The following HHLA1 variants were observed in gnomAD, a reference collection of about 807,000 sequenced individuals.
The protein encoded by HHLA1 is HHLA1 neighbor of OC90.
HHLA1 carries 72 observed loss-of-function variants against 69.9 expected under a neutral mutation model. That is an observed-to-expected ratio of 1.03 (90% CI 0.85 to 1.25). The LOEUF is 1.25. Among genes scored for constraint, HHLA1 ranks in the 50% most tolerant of loss-of-function variants. HHLA1 has a pLI of 0.00. For synonymous variants in HHLA1, 252 were observed against 233.2 expected, an observed-to-expected ratio of 1.08 and a Z score of -0.73; for missense variants, 685 against 642.2, an observed-to-expected ratio of 1.07 and a Z score of -0.72.
rs1346721833 is a variant in HHLA1 at position 132,084,402 on chromosome 8, A to G, written c.676+3251T>C. ...GGGGACAGGCTGGAGGGAAAGAAGG[A>G]AGATTTGGGACGAGTTGCACTGGGC... is the stretch of plus-strand genomic sequence containing the variant. On this transcript the variant is annotated intron_variant, in intron 10 of 16. Coordinates refer to ENST00000414222, the MANE Select transcript of HHLA1 (RefSeq NM_001145095.3). Among the ~76,000 whole-genome samples, 7 of 145,118 alleles carry G rather than the reference A, an allele frequency of 4.8e-5. No individual in the cohort carries two copies. The East Asian group carries it at 1.2e-3, about 25-fold the overall frequency.
intron 10 of HHLA1, among the ~76,000 whole-genome samples, chr8:132,081,455 A>G (rs976813148): frequency 3.3e-5 from 5 of 152,108 alleles, no homozygotes; most frequent in African/African-American, 7.2e-5. Context: ...CCTTTAGTCC[A>G]TTCTACTTTT....
In HHLA1 at chr8:132,075,620, T is replaced by C. The variant is rs893043675; in HGVS notation, c.1315+435A>G. Among the ~76,000 whole-genome samples, 6 of 152,338 alleles carry C rather than the reference T, an allele frequency of 3.9e-5. No homozygotes were observed. The East Asian group carries it at 1.2e-3, about 29-fold the overall frequency. ...ATGAGGTTGCATTTTGCAGTCATCT[T>C]TTTTATTCCTTCCTCCTTCACTGCC... is the stretch of plus-strand genomic sequence containing the variant. On this transcript the variant is annotated intron_variant, in intron 14 of 16. Transcript: ENST00000414222.
intron 14 of HHLA1, among the ~76,000 whole-genome samples, chr8:132,073,540 C>T (rs1280894871): frequency 2.0e-5 from 3 of 152,164 alleles, no homozygotes; most frequent in African/African-American, 4.8e-5. Context: ...CAGAAGTATA[C>T]AGAAGAGGAC....
At position 132,075,510 on chromosome 8, in the gene HHLA1, G is replaced by T. The variant is rs116872147; in HGVS notation, c.1315+545C>A. On this transcript the variant is annotated intron_variant, in intron 14 of 16. Coordinates refer to ENST00000414222, the MANE Select transcript of HHLA1 (RefSeq NM_001145095.3). ...GCTACAAACTCAGGAAATGGTCTTCGTCTAGATCCATGAGAATTAACTGTG... is the reference window on the plus strand; with the variant it reads ...GCTACAAACTCAGGAAATGGTCTTCTTCTAGATCCATGAGAATTAACTGTG... Among the ~76,000 whole-genome samples, 733 of 152,286 alleles carry T rather than the reference G, an allele frequency of 4.8e-3. 5 individuals carry two copies. Among genetic ancestry groups the T allele is most frequent in the East Asian group, 0.029 (149 of 5,182 alleles).
chr8:132,083,026 AG>A (rs1305353266), intron 10 of HHLA1, among the ~76,000 whole-genome samples: 1 of 151,094 alleles, frequency 6.6e-6, no homozygotes. Flanking sequence ...TGAGATGGTA[AG>A]GGGTGCATGA....
At chr8:132,086,327 C>A (rs190881394) in intron 10 of HHLA1, among the ~76,000 whole-genome samples, 1 of 152,114 alleles carries the variant, frequency 6.6e-6, no homozygotes, top group Non-Finnish European at 1.5e-5. Flanking sequence ...TCACCTCCCC[C>A]AGAATGCATG....
rs376821680 is a variant in HHLA1 at position 132,085,678 on chromosome 8, C to T, written c.676+1975G>A. ...CAGTGAAGGGAGATAAGGGTGGGGCCGTTTTATAGGATTTGGGTAGGTAAA... is the reference window on the plus strand; with the variant it reads ...CAGTGAAGGGAGATAAGGGTGGGGCTGTTTTATAGGATTTGGGTAGGTAAA... On this transcript the variant is annotated intron_variant, in intron 10 of 16. Transcript: ENST00000414222. 860 of 152,028 alleles carry T rather than the reference C, an allele frequency of 5.7e-3. 2 individuals are homozygous for T. The highest frequency in any genetic ancestry group is 0.02 in the African/African-American group (825 of 40,678). The allele number at this position is 152,028 out of a possible 1,614,324, so 9.4% of individuals were successfully genotyped here. A position where few individuals can be genotyped will look rare whatever the true frequency, so the allele number is the denominator to read the frequency against.
intron 7 of HHLA1, among the ~76,000 whole-genome samples, chr8:132,092,854 C>A (rs1431821389): frequency 6.6e-6 from 1 of 152,198 alleles, no homozygotes; most frequent in African/African-American, 2.4e-5. Context: ...GTGCTGGCAA[C>A]CTACCTTAGG....
chr8:132,102,792 AT>A lies in HHLA1; in HGVS notation c.139+1315del, dbSNP rs3048490. 6.1e-3 allele frequency among the ~76,000 whole-genome samples: 874 copies of A among 143,622 alleles called. 2 individuals are homozygous for A. Among genetic ancestry groups the A allele is most frequent in the African/African-American group, 0.02 (766 of 38,414 alleles). The allele number at this position is 143,622 out of a possible 152,430, so 94.2% of individuals were successfully genotyped here. ...TGTGTCATCTTCTTCACTGAGCACC[AT>A]TTTTTTTTTTTTTTTTTTTTTTTTT... On this transcript the variant is annotated intron_variant, in intron 3 of 16. Coordinates refer to ENST00000414222, the MANE Select transcript of HHLA1 (RefSeq NM_001145095.3).
intron 7 of HHLA1, among the ~76,000 whole-genome samples, chr8:132,093,270 C>G (rs1428257923): frequency 6.6e-6 from 1 of 152,102 alleles, no homozygotes; most frequent in Admixed American, 6.5e-5. Context: ...GGTGGGATAT[C>G]AGCTATTTCT....
chr8:132,107,738 A>G (rs1306624336), intron 1 of HHLA1, among the ~76,000 whole-genome samples: 1 of 152,238 alleles, frequency 6.6e-6, no homozygotes, highest in East Asian at 1.9e-4. Flanking sequence ...TAAGGTTGTT[A>G]GATTTAACAA....
intron 15 of HHLA1, among the ~76,000 whole-genome samples, chr8:132,067,186 C>A (rs941779038): frequency 6.6e-6 from 1 of 152,132 alleles, no homozygotes; most frequent in African/African-American, 2.4e-5. Context: ...AAACTGGAAC[C>A]ACAGAGGAAA....
intron 10 of HHLA1, chr8:132,085,508 A>G (rs1823845656): frequency 2.8e-6 from 1 of 361,820 alleles, no homozygotes. Context: ...ACGGGGATTG[A>G]TTTCCCAAGG....
At chr8:132,088,961 G>T (rs1038102185) in intron 8 of HHLA1, among the ~76,000 whole-genome samples, 1 of 152,162 alleles carries the variant, frequency 6.6e-6, no homozygotes, top group South Asian at 2.1e-4. Context: ...AACAGTAGCT[G>T]CTCCACAGTG....
intron 15 of HHLA1, among the ~76,000 whole-genome samples, chr8:132,066,521 T>C (rs1823442525): frequency 6.6e-6 from 1 of 152,220 alleles, no homozygotes; most frequent in Admixed American, 6.5e-5. Context: ...CAGAGGGCTG[T>C]GGTGAAAAGA....
intron 14 of HHLA1, 126 bp downstream of exon 14, chr8:132,075,929 G>A (rs1823630295): frequency 3.0e-6 from 2 of 669,522 alleles, no homozygotes; most frequent in East Asian, 5.7e-5. Context: ...GTAAATGGCT[G>A]AGCTAAGATT....
chr8:132,107,515 G>A (rs1824221892), intron 1 of HHLA1, among the ~76,000 whole-genome samples: 1 of 152,008 alleles, frequency 6.6e-6, no homozygotes, highest in Non-Finnish European at 1.5e-5. Flanking sequence ...TGGTCAGGCT[G>A]GTCTCGACTC....
chr8:132,087,581 C>A, intron 10 of HHLA1, 72 bp downstream of exon 10: 1 of 900,108 alleles, frequency 1.1e-6, no homozygotes, highest in Non-Finnish European at 1.8e-6. Context: ...GGGCAGCTTT[C>A]AGTCATTAGT....
intron 10 of HHLA1, among the ~76,000 whole-genome samples, chr8:132,081,604 A>G (rs1823753826): frequency 6.6e-6 from 1 of 152,204 alleles, no homozygotes; most frequent in Non-Finnish European, 1.5e-5. Context: ...CTGAGGAATT[A>G]TGTCTGACAG....
Sources: gnomAD v4.1 joint callset for allele counts (sites outside exome capture counted in the v4.1 genomes callset) on GRCh38, gnomAD v4.1.1 for gene constraint, MANE v1.5 for transcripts, NCBI Gene and HGNC (gene_info 2026-07-23, HGNC 2026-07-21) for gene names.